Variants in MAGI3 observed in about 807,000 individuals in gnomAD.
MAGI3 encodes the protein membrane associated guanylate kinase, WW and PDZ domain containing 3.
Under a neutral mutation model 121.8 loss-of-function variants are expected in MAGI3, and 43 were observed. That is an observed-to-expected ratio of 0.35 (90% CI 0.28 to 0.46). The LOEUF (loss-of-function observed/expected upper bound fraction) is 0.46. MAGI3 is among the 20% of genes least tolerant of loss of function. The probability of loss-of-function intolerance (pLI) is 1.00; values close to 1 mark genes in which losing one functional copy is unlikely to be tolerated. For synonymous variants in MAGI3, 553 were observed against 639.3 expected, an observed-to-expected ratio of 0.86 and a Z score of 2.04; for missense variants, 1,547 against 1,797.3, an observed-to-expected ratio of 0.86 and a Z score of 2.52.
At chr1:113,441,034 C>T (rs992226507) in intron 1 of MAGI3, among the ~76,000 whole-genome samples, 1 of 152,142 alleles carries the variant, frequency 6.6e-6, no homozygotes, top group African/African-American at 2.4e-5. Flanking sequence ...TGGACAACCG[C>T]CACTACCAGA....
At chr1:113,647,362 C>T (rs1652909885) in intron 12 of MAGI3, among the ~76,000 whole-genome samples, 1 of 152,022 alleles carries the variant, frequency 6.6e-6, no homozygotes, top group Non-Finnish European at 1.5e-5. Context: ...ATAAGGAAGG[C>T]ATAGTTTTGT....
intron 1 of MAGI3, among the ~76,000 whole-genome samples, chr1:113,490,001 C>T (rs1656591775): frequency 6.6e-6 from 1 of 152,074 alleles, no homozygotes; most frequent in South Asian, 2.1e-4. Flanking sequence ...CCCAACCTAC[C>T]TAGAGAGGAC....
chr1:113,495,273 C>T (rs1656864703), intron 1 of MAGI3, among the ~76,000 whole-genome samples: 1 of 151,866 alleles, frequency 6.6e-6, no homozygotes. Context: ...ACAATAAGCA[C>T]ATATACTGTT....
intron 1 of MAGI3, among the ~76,000 whole-genome samples, chr1:113,495,454 C>A (rs749505407): frequency 6.6e-5 from 10 of 151,192 alleles, no homozygotes; most frequent in African/African-American, 2.4e-4. Flanking sequence ...TTTGGTGCAC[C>A]CATCACCTGA....
At chr1:113,520,428 A>T (rs1168769842) in intron 1 of MAGI3, among the ~76,000 whole-genome samples, 1 of 152,118 alleles carries the variant, frequency 6.6e-6, no homozygotes, top group Non-Finnish European at 1.5e-5. Flanking sequence ...AAATAAATAT[A>T]TGTTTATAGA....
chr1:113,508,327 G>A (rs1657446424), intron 1 of MAGI3, among the ~76,000 whole-genome samples: 1 of 152,142 alleles, frequency 6.6e-6, no homozygotes. Flanking sequence ...CTTAAGGGTA[G>A]GCACCTCTCT....
chr1:113,418,797 T>C (rs1652588381), intron 1 of MAGI3, among the ~76,000 whole-genome samples: 1 of 152,100 alleles, frequency 6.6e-6, no homozygotes, highest in Non-Finnish European at 1.5e-5. Flanking sequence ...GAGAATATGA[T>C]AGTGAATCAT....
At chr1:113,538,472 T>C (rs903166808) in intron 1 of MAGI3, among the ~76,000 whole-genome samples, 1 of 152,240 alleles carries the variant, frequency 6.6e-6, no homozygotes, top group Non-Finnish European at 1.5e-5. Flanking sequence ...GGTTTGCTAA[T>C]GATTCCTGAT....
rs753224298 is a variant in MAGI3 at position 113,580,690 on chromosome 1, C to A, written c.553+29C>A. On this transcript the variant is annotated intron_variant, in intron 3 of 20. Transcript: ENST00000307546. ...TGTCCCCAAATAACATCACTACCAC[C>A]CAAAAAACTATCTGAACGACTGGAA... 2.6e-6 allele frequency: 4 copies of A among 1,550,184 alleles called. No homozygotes were observed. The Admixed American group carries it at 5.7e-5, about 22-fold the overall frequency.
rs1479751797 is a variant in MAGI3 at position 113,580,559 on chromosome 1, A to C, written c.451A>C (p.Arg151=). The C allele has an allele frequency of 6.2e-7, 1 of 1,610,370 alleles. No individual in the cohort carries two copies. Among genetic ancestry groups the C allele is most frequent in the East Asian group, 2.2e-5 (1 of 44,726 alleles). ...TTTCTTAGGCACTACAAGGGCCCCC[A>C]GGGATGGAGAAGTACCAGGAGTGGA... ...RTIPCTTRAP[R]DGEVPGVDYN... is the part of the protein sequence containing the mutation. Residue 151 remains arginine (R), a synonymous_variant, in exon 3 of 21, where the codon AGG becomes CGG. Transcript: ENST00000307546.
At chr1:113,528,243 G>A (rs1201957776) in intron 1 of MAGI3, among the ~76,000 whole-genome samples, 1 of 149,150 alleles carries the variant, frequency 6.7e-6, no homozygotes, top group African/African-American at 2.5e-5. Context: ...TTGCCTTTAG[G>A]TGTTATACCT....
chr1:113,467,012 G>T (rs1655321273), intron 1 of MAGI3, among the ~76,000 whole-genome samples: 1 of 151,542 alleles, frequency 6.6e-6, no homozygotes, highest in Non-Finnish European at 1.5e-5. Context: ...TGCTTTTCTA[G>T]TCCCTTAAGA....
chr1:113,553,349 A>G (rs1285283844), intron 2 of MAGI3, among the ~76,000 whole-genome samples: 1 of 152,200 alleles, frequency 6.6e-6, no homozygotes, highest in Non-Finnish European at 1.5e-5. Flanking sequence ...GGAGAGGGCT[A>G]TGAAGAAAAA....
chr1:113,558,676 C>T (rs1224536089), intron 2 of MAGI3, among the ~76,000 whole-genome samples: 3 of 152,090 alleles, frequency 2.0e-5, no homozygotes, highest in Admixed American at 1.3e-4. Context: ...CCTAGCAAGA[C>T]AGGCCAAGCC....
rs562968204 is a variant in MAGI3, at chr1:113,399,044, A to G, written c.316+7695A>G. On this transcript the variant is annotated intron_variant, in intron 1 of 20. Coordinates refer to ENST00000307546, the MANE Select transcript of MAGI3 (RefSeq NM_001142782.2). ...CATTAAAATCCAGGCATAGATCAGTAACAGCTAACTTCTGTTCTCAAGTGT... is the reference window on the plus strand; with the variant it reads ...CATTAAAATCCAGGCATAGATCAGTGACAGCTAACTTCTGTTCTCAAGTGT... Among the ~76,000 whole-genome samples the G allele has an allele frequency of 4.9e-5, 7 of 142,566 alleles. No homozygotes were observed. The South Asian group carries it at 1.5e-3, about 31-fold the overall frequency. The allele number at this position is 142,566 out of a possible 152,430, so 93.5% of individuals were successfully genotyped here. A position where few individuals can be genotyped will look rare whatever the true frequency, so the allele number is the denominator to read the frequency against.
intron 1 of MAGI3, among the ~76,000 whole-genome samples, chr1:113,529,937 T>C (rs1395558393): frequency 1.3e-5 from 2 of 152,188 alleles, no homozygotes. Flanking sequence ...ATTTGTTTTT[T>C]TAAAAAACTT....
intron 1 of MAGI3, among the ~76,000 whole-genome samples, chr1:113,479,029 G>A (rs1037693055): frequency 6.6e-6 from 1 of 151,708 alleles, no homozygotes; most frequent in African/African-American, 2.4e-5. Flanking sequence ...AGTGAGCAAG[G>A]CTCTGTGGGC....
At chr1:113,408,196 T>G (rs1008406794) in intron 1 of MAGI3, among the ~76,000 whole-genome samples, 1 of 152,182 alleles carries the variant, frequency 6.6e-6, no homozygotes, top group African/African-American at 2.4e-5. Context: ...CTGAAATTTC[T>G]CTTTTTTTGC....
At chr1:113,493,400 CT>C (rs1216321574) in intron 1 of MAGI3, among the ~76,000 whole-genome samples, 1 of 151,986 alleles carries the variant, frequency 6.6e-6, no homozygotes, top group Non-Finnish European at 1.5e-5. Context: ...GGATTAAAGA[CT>C]TTAAAATCCC....
Sources: gnomAD v4.1 joint callset for allele counts (sites outside exome capture counted in the v4.1 genomes callset) on GRCh38, gnomAD v4.1.1 for gene constraint, MANE v1.5 for transcripts, NCBI Gene and HGNC (gene_info 2026-07-23, HGNC 2026-07-21) for gene names.